CLASP2: variants seen among roughly 807,000 people sequenced by gnomAD.
CLASP2 encodes the protein CLIP-associating protein 2.
Under a neutral mutation model 194.4 loss-of-function variants are expected in CLASP2, and 47 were observed. That is an observed-to-expected ratio of 0.24 (90% CI 0.19 to 0.31). The LOEUF (loss-of-function observed/expected upper bound fraction) is 0.31, where lower values mean the gene tolerates loss of function less well. Ranked by LOEUF, CLASP2 falls within the 10% of genes least tolerant of loss-of-function variation. CLASP2 has a pLI of 1.00. For missense variants in CLASP2, 1,445 were observed against 1,823.6 expected, an observed-to-expected ratio of 0.79 and a Z score of 3.78; for synonymous variants, 619 against 633.5, an observed-to-expected ratio of 0.98 and a Z score of 0.34.
At position 33,544,828 on chromosome 3, in the gene CLASP2, A is replaced by T; in HGVS notation, c.3167T>A (p.Val1056Glu). The T allele has an allele frequency of 6.2e-7, 1 of 1,608,462 alleles. No homozygotes were observed. Among genetic ancestry groups the T allele is most frequent in the Non-Finnish European group, 8.5e-7 (1 of 1,177,846 alleles). ...SSDVRKAAQSVLISLFELNTP... is the reference protein window; with the variant it reads ...SSDVRKAAQSELISLFELNTP... ...ATTGAGTTCAAATAATGAAATCAGC[A>T]CTGACTGTGCTGCCTAAAAAACAAA... Residue 1056 changes from valine to glutamate, a missense_variant, in exon 31 of 39, where the codon GTG becomes GAG. Val to Glu is a moderately radical substitution (Grantham distance 121). Coordinates refer to ENST00000682230, the MANE Select transcript of CLASP2 (RefSeq NM_001365631.1).
chr3:33,593,224 C>T (rs1194404738), intron 20 of CLASP2, among the ~76,000 whole-genome samples: 1 of 152,148 alleles, frequency 6.6e-6, no homozygotes, highest in Non-Finnish European at 1.5e-5. Flanking sequence ...GAACTACAAG[C>T]AGCATGTCTG....
At chr3:33,576,353 T>C in intron 23 of CLASP2, 78 bp from the exon 24 acceptor site, 1 of 1,063,204 alleles carries the variant, frequency 9.4e-7, no homozygotes, top group South Asian at 1.5e-5. Context: ...CTTTAAGACC[T>C]TTACAGGGGA....
At chr3:33,580,531 C>G (rs1219510352) in intron 23 of CLASP2, among the ~76,000 whole-genome samples, 1 of 151,904 alleles carries the variant, frequency 6.6e-6, no homozygotes, top group East Asian at 1.9e-4. Context: ...CCACTGCACT[C>G]CAGCCTGGGC....
At chr3:33,640,765 G>C (rs1328812618) in intron 8 of CLASP2, among the ~76,000 whole-genome samples, 1 of 151,976 alleles carries the variant, frequency 6.6e-6, no homozygotes, top group African/African-American at 2.4e-5. Context: ...TTATAACCCA[G>C]AAAATAAACT....
At chr3:33,669,919 A>G (rs1006899698) in intron 6 of CLASP2, among the ~76,000 whole-genome samples, 1 of 152,198 alleles carries the variant, frequency 6.6e-6, no homozygotes, top group Non-Finnish European at 1.5e-5. Flanking sequence ...ATATACAAGA[A>G]AGTTATTAGC....
intron 32 of CLASP2, among the ~76,000 whole-genome samples, chr3:33,543,106 C>T (rs1320471229): frequency 6.6e-6 from 1 of 152,124 alleles, no homozygotes; most frequent in Non-Finnish European, 1.5e-5. Flanking sequence ...AGGGTGGTAC[C>T]TCACGCCTGT....
chr3:33,569,380 G>C (rs1264209457), intron 26 of CLASP2, among the ~76,000 whole-genome samples: 3 of 152,158 alleles, frequency 2.0e-5, no homozygotes, highest in African/African-American at 7.2e-5. Context: ...CCAGTAGCAG[G>C]AATTACTGAA....
intron 11 of CLASP2, among the ~76,000 whole-genome samples, chr3:33,620,647 G>A (rs1156653955): frequency 6.6e-6 from 1 of 152,166 alleles, no homozygotes; most frequent in Non-Finnish European, 1.5e-5. Flanking sequence ...AAGAGCATGA[G>A]TTTTACTTTG....
intron 6 of CLASP2, among the ~76,000 whole-genome samples, chr3:33,676,183 T>C (rs1318070549): frequency 7.9e-5 from 12 of 151,444 alleles, no homozygotes; most frequent in Non-Finnish European, 1.8e-4. Context: ...CTTCAAACTA[T>C]ACTACAAGGC....
chr3:33,626,614 T>C (rs1209438744), intron 10 of CLASP2, among the ~76,000 whole-genome samples: 2 of 152,098 alleles, frequency 1.3e-5, no homozygotes, highest in Non-Finnish European at 2.9e-5. Flanking sequence ...ACACTGAACA[T>C]GCAGGTAAAG....
intron 7 of CLASP2, among the ~76,000 whole-genome samples, chr3:33,649,588 A>C (rs1296829460): frequency 6.6e-6 from 1 of 152,240 alleles, no homozygotes; most frequent in East Asian, 1.9e-4. Flanking sequence ...ATAGTAAAAA[A>C]TACAAGGATA....
intron 18 of CLASP2, among the ~76,000 whole-genome samples, chr3:33,599,404 T>C (rs1276912887): frequency 6.6e-6 from 1 of 152,138 alleles, no homozygotes; most frequent in Non-Finnish European, 1.5e-5. Context: ...TTTACAGGTG[T>C]TGAGTCACTG....
At chr3:33,672,889 AG>A (rs2087654395) in intron 6 of CLASP2, among the ~76,000 whole-genome samples, 1 of 152,186 alleles carries the variant, frequency 6.6e-6, no homozygotes, top group African/African-American at 2.4e-5. Context: ...GGAAGTTTAG[AG>A]AAAAAAGAAT....
Position 33,671,620 on chromosome 3 carries a change from G to A in CLASP2, c.645-8105C>T, listed in dbSNP as rs146942325. Among the ~76,000 whole-genome samples, 8 of 152,294 alleles carry A rather than the reference G, an allele frequency of 5.3e-5. No homozygotes were observed. The East Asian group carries it at 7.7e-4, about 15-fold the overall frequency. On this transcript the variant is annotated intron_variant, in intron 6 of 38. Coordinates refer to ENST00000682230, the MANE Select transcript of CLASP2 (RefSeq NM_001365631.1). ...TCAGTGGGTACAGCGCACCGTGCAC[G>A]AGCCAAAGCAGGGCGAGGCATTGCC... is the stretch of plus-strand genomic sequence containing the variant.
chr3:33,627,642 CA>C, intron 9 of CLASP2, among the ~76,000 whole-genome samples: 1 of 151,984 alleles, frequency 6.6e-6, no homozygotes, highest in Non-Finnish European at 1.5e-5. Flanking sequence ...TATGGTTAGC[CA>C]AAATAGATAG....
Position 33,503,125 on chromosome 3 carries a change from C to A in CLASP2, c.4318-1357G>T, listed in dbSNP as rs199673132. The A allele has an allele frequency of 2.0e-5, 3 of 152,164 alleles. No individual in the cohort carries two copies. In the East Asian group the frequency reaches 5.8e-4, roughly 29 times the overall value. The allele number at this position is 152,164 out of a possible 1,614,324, so 9.4% of individuals were successfully genotyped here. A position where few individuals can be genotyped will look rare whatever the true frequency, so the allele number is the denominator to read the frequency against. ...AAATAATGTTCAGTGTCCAAAAAGA[C>A]ACGCACTGTCCCTTCCCAGAACAGT... On this transcript the variant is annotated intron_variant, in intron 37 of 38. Coordinates refer to ENST00000682230, the MANE Select transcript of CLASP2 (RefSeq NM_001365631.1).
At chr3:33,594,509 G>A (rs1421378925) in intron 20 of CLASP2, among the ~76,000 whole-genome samples, 2 of 151,770 alleles carry the variant, frequency 1.3e-5, no homozygotes, top group African/African-American at 2.4e-5. Context: ...AAAAGTAGAA[G>A]ACATATTTAA....
intron 30 of CLASP2, among the ~76,000 whole-genome samples, chr3:33,549,256 C>G (rs1382948578): frequency 6.6e-6 from 1 of 152,144 alleles, no homozygotes; most frequent in Non-Finnish European, 1.5e-5. Context: ...TACATCCTTC[C>G]TTTTGCTGTC....
At chr3:33,627,860 T>G (rs996257972) in intron 9 of CLASP2, among the ~76,000 whole-genome samples, 1 of 152,128 alleles carries the variant, frequency 6.6e-6, no homozygotes, top group Non-Finnish European at 1.5e-5. Context: ...AGTGGACAGA[T>G]TTGCTTTCCC....
Sources: allele counts gnomAD v4.1 joint callset (sites outside exome capture counted in the v4.1 genomes callset), GRCh38; gene constraint gnomAD v4.1.1; transcripts MANE v1.5; gene names NCBI Gene and HGNC (gene_info 2026-07-23, HGNC 2026-07-21).